Variants in VPS53 observed in about 807,000 individuals in gnomAD.
VPS53 encodes the protein vacuolar protein sorting-associated protein 53 homolog.
Under a neutral mutation model 107.0 loss-of-function variants are expected in VPS53, and 70 were observed. That is an observed-to-expected ratio of 0.65 (90% confidence interval 0.54 to 0.80). The LOEUF (loss-of-function observed/expected upper bound fraction) is 0.80, where lower values mean the gene tolerates loss of function less well. Among genes scored for constraint, VPS53 ranks in the 30% least tolerant of loss-of-function variants. VPS53 has a pLI of 0.00. For synonymous variants in VPS53, 409 were observed against 393.3 expected (o/e 1.04, Z -0.47); for missense variants, 917 against 1,049.4 (o/e 0.87, Z 1.74).
At chr17:628,306 T>C (rs1185927180) in intron 8 of VPS53, 75 bp from the exon 9 acceptor site, 1 of 1,545,920 alleles carries the variant, frequency 6.5e-7, no homozygotes, top group South Asian at 1.2e-5. Context: ...CAGCCACTAC[T>C]TGTTATCTCT....
chr17:653,910 C>T (rs892453176), intron 6 of VPS53, among the ~76,000 whole-genome samples: 10 of 152,106 alleles, frequency 6.6e-5, no homozygotes, highest in Non-Finnish European at 1.0e-4. Flanking sequence ...CATCCCCGCG[C>T]TGTGGGAGGC....
chr17:512,886 G>C lies in VPS53; in HGVS notation c.*6242C>G, dbSNP rs932800004. 2 of 152,352 alleles carry C rather than the reference G, an allele frequency of 1.3e-5. No homozygotes were observed. Among genetic ancestry groups the C allele is most frequent in the African/African-American group, 2.4e-5 (1 of 41,478 alleles). 9.4% of individuals were successfully genotyped at this position (152,352 alleles called of 1,614,324 possible). On this transcript the variant is annotated 3_prime_UTR_variant, in exon 22 of 22. Coordinates refer to ENST00000437048, the MANE Select transcript of VPS53 (RefSeq NM_001128159.3). ...AAACAGGATGGACTCATGCGTGCAG[G>C]AGAGAAATCACTTGGCCGTCACTGG... is the stretch of plus-strand genomic sequence containing the variant.
chr17:588,445 T>C (rs1160995865), intron 12 of VPS53, among the ~76,000 whole-genome samples: 1 of 152,222 alleles, frequency 6.6e-6, no homozygotes, highest in Non-Finnish European at 1.5e-5. Flanking sequence ...TACCTATTTC[T>C]GGCCTTTAAA....
chr17:657,472 C>T, intron 5 of VPS53: 1 of 1,422,884 alleles, frequency 7.0e-7, no homozygotes, highest in Non-Finnish European at 9.9e-7. Context: ...GGAGCAAACA[C>T]ACCGGTCAAT....
chr17:711,475 G>A (rs539535832), intron 1 of VPS53, among the ~76,000 whole-genome samples: 2 of 152,192 alleles, frequency 1.3e-5, no homozygotes, highest in Non-Finnish European at 2.9e-5. Context: ...AGAAGAAAGT[G>A]AAGATGTTTT....
chr17:556,333 A>C (rs1418647291), intron 15 of VPS53, among the ~76,000 whole-genome samples: 2 of 152,144 alleles, frequency 1.3e-5, no homozygotes, highest in East Asian at 1.9e-4. Flanking sequence ...TAAAAGCAAC[A>C]CCAATAATAC....
intron 4 of VPS53, among the ~76,000 whole-genome samples, chr17:686,973 C>A (rs934698907): frequency 1.7e-4 from 23 of 138,278 alleles, no homozygotes; most frequent in African/African-American, 6.2e-4. Context: ...ATAGCGAGAC[C>A]TCATCTACAC....
At chr17:521,876 T>G in intron 19 of VPS53, 138 bp from the exon 20 acceptor site, 1 of 1,044,554 alleles carries the variant, frequency 9.6e-7, no homozygotes, top group Non-Finnish European at 1.3e-6. Flanking sequence ...TAAACAGAAA[T>G]ATAAAAGAAA....
chr17:651,227 T>A (rs1333741248), intron 7 of VPS53, among the ~76,000 whole-genome samples: 2 of 152,248 alleles, frequency 1.3e-5, no homozygotes, highest in Admixed American at 6.5e-5. Context: ...GCCATTAAAC[T>A]GATAACAATT....
intron 4 of VPS53, among the ~76,000 whole-genome samples, chr17:662,446 T>G (rs534491512): frequency 6.6e-6 from 1 of 152,266 alleles, no homozygotes; most frequent in South Asian, 2.1e-4. Flanking sequence ...TCCCAGCACT[T>G]TGGGAGGCCA....
chr17:695,099 C>G (rs1972908724), intron 4 of VPS53, among the ~76,000 whole-genome samples: 1 of 152,158 alleles, frequency 6.6e-6, no homozygotes, highest in Non-Finnish European at 1.5e-5. Context: ...TTACAAACAT[C>G]AAAGGGATGA....
intron 7 of VPS53, among the ~76,000 whole-genome samples, chr17:636,465 T>C (rs1970201556): frequency 6.6e-6 from 1 of 152,234 alleles, no homozygotes; most frequent in African/African-American, 2.4e-5. Flanking sequence ...TGAATAGGAA[T>C]GGTGAAAGAG....
rs531180462 is a variant in VPS53, at chr17:513,386, A to G, written c.*5742T>C. The G allele has an allele frequency of 9.2e-5, 14 of 152,254 alleles. No individual in the cohort carries two copies. Among genetic ancestry groups the G allele is most frequent in the African/African-American group, 3.4e-4 (14 of 41,536 alleles). 9.4% of individuals were successfully genotyped at this position (152,254 alleles called of 1,614,324 possible). Reference sequence around the variant, plus strand: ...AGGTGTAGAACTTCGAGGGTCCAAGAGGCTATTCTGATGAATACTAAAACA... The same window carrying G: ...AGGTGTAGAACTTCGAGGGTCCAAGGGGCTATTCTGATGAATACTAAAACA... On this transcript the variant is annotated 3_prime_UTR_variant, in exon 22 of 22. Coordinates refer to ENST00000437048, the MANE Select transcript of VPS53 (RefSeq NM_001128159.3).
chr17:524,464 C>T lies in VPS53; in HGVS notation c.2086-2726G>A, dbSNP rs565355317. Among the ~76,000 whole-genome samples, 17 of 152,262 alleles carry T rather than the reference C, an allele frequency of 1.1e-4. No individual in the cohort carries two copies. Among genetic ancestry groups the T allele is most frequent in the African/African-American group, 3.4e-4 (14 of 41,552 alleles). ...ACAAGACATAAATCAGGAGAAGATA[C>T]GTGCAACGTTGACAAGGGAACGGGG... On this transcript the variant is annotated intron_variant, in intron 19 of 21. Transcript: ENST00000437048. This position sits in a 1 kb window ranked among gnomAD's most constrained non-coding sequence, Gnocchi z 4.5.
chr17:596,275 T>C (rs1452671932), intron 12 of VPS53, among the ~76,000 whole-genome samples: 2 of 152,210 alleles, frequency 1.3e-5, no homozygotes, highest in African/African-American at 2.4e-5. Flanking sequence ...TTGGAGTAAG[T>C]GTGAAGAGCT....
At chr17:662,077 G>A (rs1168968726) in intron 4 of VPS53, among the ~76,000 whole-genome samples, 182 bp from the exon 5 acceptor site, 1 of 152,044 alleles carries the variant, frequency 6.6e-6, no homozygotes, top group African/African-American at 2.4e-5. Flanking sequence ...CTGCGAACAG[G>A]TAAACACTCG....
intron 11 of VPS53, among the ~76,000 whole-genome samples, chr17:621,154 T>C (rs1969452450): frequency 1.3e-5 from 2 of 152,188 alleles, no homozygotes; most frequent in South Asian, 4.1e-4. Context: ...TCCAGACCTC[T>C]TTCTTATACA....
At chr17:699,822 A>G (rs1973127264) in intron 2 of VPS53, among the ~76,000 whole-genome samples, 1 of 152,182 alleles carries the variant, frequency 6.6e-6, no homozygotes, top group South Asian at 2.1e-4. Context: ...ATGGATAAAC[A>G]TTTTACTAAC....
In VPS53 at chr17:509,674, T is replaced by C. The variant is rs1210482984; in HGVS notation, c.*9454A>G. On this transcript the variant is annotated 3_prime_UTR_variant, in exon 22 of 22. Transcript: ENST00000437048. ...TATCGCATCCTGGCTCGCCCCTCACTGGTCACGTATCGAATCCTGGCTCGC... is the reference window on the plus strand; with the variant it reads ...TATCGCATCCTGGCTCGCCCCTCACCGGTCACGTATCGAATCCTGGCTCGC... 9.3e-4 allele frequency: 118 copies of C among 127,482 alleles called. No homozygotes were observed. In the Middle Eastern group the frequency reaches 0.017, roughly 19 times the overall value. The allele number at this position is 127,482 out of a possible 1,614,324, so 7.9% of individuals were successfully genotyped here.
Sources: gnomAD v4.1 joint callset for allele counts (sites outside exome capture counted in the v4.1 genomes callset) on GRCh38, gnomAD v4.1.1 for gene constraint, Gnocchi (gnomAD v3.1) non-coding constraint, MANE v1.5 for transcripts, NCBI Gene and HGNC (gene_info 2026-07-23, HGNC 2026-07-21) for gene names.